Variants in BCAS1 observed in about 807,000 individuals in gnomAD.
BCAS1 encodes brain enriched myelin associated protein 1, also known as breast carcinoma-amplified sequence 1.
In BCAS1, 46 loss-of-function variants were observed where a neutral mutation model predicts 65.4. The ratio of observed to expected loss-of-function variants is 0.70; its 90% CI spans 0.55 to 0.90. The LOEUF (loss-of-function observed/expected upper bound fraction) is 0.90, where lower values mean the gene tolerates loss of function less well. BCAS1 is among the 40% of genes least tolerant of loss of function. BCAS1 has a pLI of 0.00. For missense variants in BCAS1, 793 were observed against 771.2 expected, an observed-to-expected ratio of 1.03 and a Z score of -0.33; for synonymous variants, 298 against 293.5, an observed-to-expected ratio of 1.02 and a Z score of -0.16.
At chr20:53,955,315 T>C (rs1303620168) in intron 11 of BCAS1, among the ~76,000 whole-genome samples, 1 of 152,198 alleles carries the variant, frequency 6.6e-6, no homozygotes, top group African/African-American at 2.4e-5. Flanking sequence ...GTAATATATG[T>C]CTTGAACACT....
At chr20:54,066,449 C>A (rs1266284650) in intron 1 of BCAS1, among the ~76,000 whole-genome samples, 1 of 152,208 alleles carries the variant, frequency 6.6e-6, no homozygotes, top group South Asian at 2.1e-4. Flanking sequence ...CACTTAAGAT[C>A]ATGCTATGGA....
At chr20:53,957,371 C>G (rs1444353027) in intron 11 of BCAS1, 61 bp downstream of exon 11, 2 of 1,438,240 alleles carry the variant, frequency 1.4e-6, no homozygotes, top group African/African-American at 1.4e-5. Flanking sequence ...GAAAAGTATA[C>G]TGTGAAGAAG....
At chr20:53,945,100 A>C in intron 12 of BCAS1, 104 bp from the exon 13 acceptor site, 2 of 986,310 alleles carry the variant, frequency 2.0e-6, no homozygotes, top group Non-Finnish European at 3.3e-6. Context: ...TGTTGGGCTA[A>C]ATTAATATAT....
At chr20:54,060,084 T>A (rs2092357762) in intron 1 of BCAS1, among the ~76,000 whole-genome samples, 1 of 152,188 alleles carries the variant, frequency 6.6e-6, no homozygotes, top group Non-Finnish European at 1.5e-5. Context: ...CATGGCACAG[T>A]GGTTATGACC....
chr20:54,030,445 T>A (rs1287185515), intron 3 of BCAS1, among the ~76,000 whole-genome samples: 1 of 152,266 alleles, frequency 6.6e-6, no homozygotes, highest in Non-Finnish European at 1.5e-5. Context: ...TTTTCAGGTT[T>A]CTCTCATGCC....
Position 53,953,673 on chromosome 20 carries a change from G to C in BCAS1, c.1574C>G (p.Thr525Ser), listed in dbSNP as rs779671986. 3.1e-6 allele frequency: 5 copies of C among 1,613,826 alleles called. No homozygotes were observed. The South Asian group carries it at 5.5e-5, about 18-fold the overall frequency. Residue 525 changes from threonine (T) to serine (S), a missense_variant, in exon 12 of 13, where the codon ACT (threonine) becomes AGT (serine). Coordinates refer to ENST00000688948, the MANE Select transcript of BCAS1 (RefSeq NM_001366298.2). ...SCQTSDSTEKTITPPEPEPTG... is the reference protein window; with the variant it reads ...SCQTSDSTEKSITPPEPEPTG... ...TGGTTCAGGCTCTGGCGGTGTGATAGTCTTTTCTGTGGAGTCTGATGTCTA... is the reference window on the plus strand; with the variant it reads ...TGGTTCAGGCTCTGGCGGTGTGATACTCTTTTCTGTGGAGTCTGATGTCTA...
chr20:54,033,934 A>G lies in BCAS1; in HGVS notation c.143-4962T>C, dbSNP rs538148731. On this transcript the variant is annotated intron_variant, in intron 3 of 12. Transcript: ENST00000688948. ...CAAACTGAATCCAGCAGCACACCAA[A>G]AAGCTTATCCACCATGATCAAGTAG... 2.0e-5 allele frequency among the ~76,000 whole-genome samples: 3 copies of G among 151,514 alleles called. No homozygotes were observed. In the East Asian group the frequency reaches 5.8e-4, roughly 29 times the overall value.
chr20:54,038,365 C>T (rs1435320724), intron 3 of BCAS1, among the ~76,000 whole-genome samples: 1 of 151,326 alleles, frequency 6.6e-6, no homozygotes, highest in Non-Finnish European at 1.5e-5. Context: ...TCACTTGTTT[C>T]CTCTCCACGA....
chr20:53,969,825 A>G (rs1334952670), intron 9 of BCAS1, among the ~76,000 whole-genome samples: 2 of 152,216 alleles, frequency 1.3e-5, no homozygotes, highest in Non-Finnish European at 2.9e-5. Flanking sequence ...CTTGCACCAA[A>G]TAAACATCTG....
chr20:54,066,801 G>T lies in BCAS1; in HGVS notation c.-6+3632C>A, dbSNP rs553202061. 2.6e-5 allele frequency among the ~76,000 whole-genome samples: 4 copies of T among 152,286 alleles called. No individual in the cohort carries two copies. The East Asian group carries it at 7.7e-4, about 29-fold the overall frequency. ...TGTTGTTTAAGCCACCTAGTCTGTG[G>T]TGTTTTGGTTACCACAGCCCAAGCT... is the stretch of plus-strand genomic sequence containing the variant. On this transcript the variant is annotated intron_variant, in intron 1 of 12. Coordinates refer to ENST00000688948, the MANE Select transcript of BCAS1 (RefSeq NM_001366298.2).
At chr20:54,048,085 C>T (rs149648407) in intron 3 of BCAS1, among the ~76,000 whole-genome samples, 2,734 of 152,208 alleles carry the variant, frequency 0.018, 36 homozygotes, top group Middle Eastern at 0.037. Context: ...ATTCCCCTAC[C>T]TCATGAGGAT....
chr20:53,966,475 G>A (rs2090029964), intron 10 of BCAS1, among the ~76,000 whole-genome samples: 1 of 152,172 alleles, frequency 6.6e-6, no homozygotes, highest in African/African-American at 2.4e-5. Context: ...TGGGGACTCA[G>A]GGGAGAAGGT....
intron 4 of BCAS1, among the ~76,000 whole-genome samples, chr20:53,997,364 C>T (rs2090944497): frequency 6.6e-6 from 1 of 152,178 alleles, no homozygotes; most frequent in Non-Finnish European, 1.5e-5. Context: ...TCTCATGTGA[C>T]AAAGTAGTAC....
intron 3 of BCAS1, among the ~76,000 whole-genome samples, chr20:54,040,334 C>A (rs1397077785): frequency 7.3e-5 from 11 of 151,404 alleles, no homozygotes; most frequent in Admixed American, 5.9e-4. Context: ...AGCAGCTTAC[C>A]AGGGGAGGTG....
At chr20:53,967,150 T>A in intron 9 of BCAS1, 77 bp from the exon 10 acceptor site, 1 of 1,484,606 alleles carries the variant, frequency 6.7e-7, no homozygotes, top group Non-Finnish European at 9.3e-7. Flanking sequence ...AGTGGGGTCC[T>A]TGTTGCCCCC....
chr20:54,025,343 C>T (rs2091648462), intron 4 of BCAS1, among the ~76,000 whole-genome samples: 1 of 152,090 alleles, frequency 6.6e-6, no homozygotes. Flanking sequence ...AGGAAAAAAA[C>T]CTCATCCCTG....
chr20:53,952,139 G>A (rs970152711), intron 12 of BCAS1, among the ~76,000 whole-genome samples: 13 of 152,208 alleles, frequency 8.5e-5, no homozygotes, highest in Non-Finnish European at 2.9e-5. Context: ...TGAGTACAAT[G>A]TTTTATCGAA....
At position 53,944,978 on chromosome 20, in the gene BCAS1, C is replaced by A; in HGVS notation, c.1834G>T (p.Asp612Tyr). 1 of 1,614,108 alleles carries A rather than the reference C, an allele frequency of 6.2e-7. No homozygotes were observed. The highest frequency in any genetic ancestry group is 1.1e-5 in the South Asian group (1 of 91,080). The change falls in exon 13 of 13, where the codon GAT becomes TAT. Residue 612 changes from aspartate (D) to tyrosine (Y), a missense_variant. Asp to Tyr is a radical substitution (Grantham distance 160, BLOSUM62 -3). Coordinates refer to ENST00000688948, the MANE Select transcript of BCAS1 (RefSeq NM_001366298.2). ...ACTGGGTCTGTTTGCACTTGAGCAT[C>A]CAACATCCGCTTTGGTCCCTGGAGA... ...FKGLGPKRML[D>Y]AQVQTDPVSI...
At chr20:54,026,775 C>A (rs574440433) in intron 4 of BCAS1, among the ~76,000 whole-genome samples, 19 of 152,394 alleles carry the variant, frequency 1.2e-4, no homozygotes, top group African/African-American at 4.6e-4. Context: ...ACGTAACTTT[C>A]AGGTCCTGGT....
Sources: allele counts gnomAD v4.1 joint callset (sites outside exome capture counted in the v4.1 genomes callset), GRCh38; gene constraint gnomAD v4.1.1; transcripts MANE v1.5; gene names NCBI Gene and HGNC (gene_info 2026-07-23, HGNC 2026-07-21).